The following NRXN1 variants were observed in gnomAD, a reference collection of about 807,000 sequenced individuals.
The protein encoded by NRXN1 is neurexin-1.
Under a neutral mutation model 150.9 loss-of-function variants are expected in NRXN1, and 39 were observed. That is an observed-to-expected ratio of 0.26 (90% CI 0.20 to 0.34). The LOEUF is 0.34. Ranked by LOEUF, NRXN1 falls within the 10% of genes least tolerant of loss-of-function variation. The pLI is 1.00. For missense variants in NRXN1, 1,815 were observed against 1,949.9 expected (o/e 0.93, Z 1.30); for synonymous variants, 924 against 757.0 (o/e 1.22, Z -3.62).
intron 17 of NRXN1, among the ~76,000 whole-genome samples, chr2:50,442,788 G>A (rs944203913): frequency 3.9e-5 from 6 of 152,156 alleles, no homozygotes; most frequent in African/African-American, 1.4e-4. Context: ...TTAGGAGACA[G>A]GTAGAGCAGC....
chr2:51,029,815 T>C (rs1671190231), intron 1 of NRXN1, among the ~76,000 whole-genome samples: 1 of 152,244 alleles, frequency 6.6e-6, no homozygotes, highest in African/African-American at 2.4e-5. Context: ...ATTTATGTTT[T>C]TGGCATTGTC....
intron 8 of NRXN1, among the ~76,000 whole-genome samples, chr2:50,601,079 AAAT>A (rs1338055362): frequency 3.9e-5 from 6 of 152,268 alleles, no homozygotes; most frequent in Admixed American, 3.3e-4. Flanking sequence ...GGCAAAAAAA[AAAT>A]AATAATAATT....
At chr2:50,012,710 C>G (rs1685913701) in intron 21 of NRXN1, among the ~76,000 whole-genome samples, 2 of 152,014 alleles carry the variant, frequency 1.3e-5, no homozygotes, top group African/African-American at 2.4e-5. Flanking sequence ...TACAAGGCAC[C>G]AAGTTCTGTA....
intron 5 of NRXN1, among the ~76,000 whole-genome samples, chr2:50,781,698 T>C (rs751099357): frequency 3.9e-5 from 6 of 152,378 alleles, no homozygotes; most frequent in Admixed American, 6.5e-5. Context: ...CTCTACAGAA[T>C]CTTTAAATAT....
intron 5 of NRXN1, among the ~76,000 whole-genome samples, chr2:50,766,674 C>T (rs954659096): frequency 8.6e-5 from 13 of 151,944 alleles, no homozygotes; most frequent in African/African-American, 3.1e-4. Context: ...CTACCACAGC[C>T]GTGCAAATTT....
chr2:50,851,389 G>A (rs1217927487), intron 5 of NRXN1, among the ~76,000 whole-genome samples: 1 of 152,242 alleles, frequency 6.6e-6, no homozygotes, highest in South Asian at 2.1e-4. Flanking sequence ...AAATATATAA[G>A]TGTTTTAAGG....
At chr2:50,031,490 T>C (rs1050269620) in intron 21 of NRXN1, among the ~76,000 whole-genome samples, 9 of 151,614 alleles carry the variant, frequency 5.9e-5, no homozygotes, top group Admixed American at 5.3e-4. Context: ...TCTTAGCCAA[T>C]GAGTTACTTT....
At chr2:50,134,798 G>A (rs1433593850) in intron 18 of NRXN1, among the ~76,000 whole-genome samples, 1 of 152,060 alleles carries the variant, frequency 6.6e-6, no homozygotes, top group African/African-American at 2.4e-5. Flanking sequence ...TGTACATTTT[G>A]TGATACCATC....
intron 2 of NRXN1, among the ~76,000 whole-genome samples, chr2:50,951,892 T>A (rs908550288): frequency 2.0e-5 from 3 of 148,866 alleles, no homozygotes. Flanking sequence ...CTCATATAAC[T>A]GGATTATCTA....
chr2:49,922,071 T>C lies in NRXN1; in HGVS notation c.4397A>G (p.Asp1466Gly), dbSNP rs1228076031. The change falls in exon 23 of 23, where the codon GAC (aspartate) becomes GGC (glycine). Residue 1466 changes from aspartate (D) to glycine (G), a missense_variant. Coordinates refer to ENST00000401669, the MANE Select transcript of NRXN1 (RefSeq NM_001330078.2). Reference protein sequence around the residue: ...RNRDEGSYHVDESRNYISNSA... With the variant: ...RNRDEGSYHVGESRNYISNSA... ...GTTACTGATGTAGTTTCGACTCTCGTCCACATGGTATGAGCCTTCATCCCG... is the reference window on the plus strand; with the variant it reads ...GTTACTGATGTAGTTTCGACTCTCGCCCACATGGTATGAGCCTTCATCCCG... 6.2e-7 allele frequency: 1 copy of C among 1,614,012 alleles called. No individual in the cohort carries two copies. The highest frequency in any genetic ancestry group is 8.5e-7 in the Non-Finnish European group (1 of 1,180,016).
intron 19 of NRXN1, among the ~76,000 whole-genome samples, chr2:50,070,322 A>G (rs1164313925): frequency 6.6e-6 from 1 of 152,202 alleles, no homozygotes; most frequent in Non-Finnish European, 1.5e-5. Flanking sequence ...GCTCTTTGCA[A>G]GCCCTTTTTG....
At chr2:50,979,988 C>T (rs944970816) in intron 2 of NRXN1, among the ~76,000 whole-genome samples, 1 of 152,056 alleles carries the variant, frequency 6.6e-6, no homozygotes, top group Non-Finnish European at 1.5e-5. Flanking sequence ...ATTGCTACAA[C>T]TAACAGGAAA....
chr2:50,262,722 T>C (rs1443812319), intron 17 of NRXN1, among the ~76,000 whole-genome samples: 1 of 152,012 alleles, frequency 6.6e-6, no homozygotes, highest in Non-Finnish European at 1.5e-5. Flanking sequence ...AGTCAAAGCA[T>C]ATTCTCTACA....
chr2:50,158,952 T>C (rs2059196793), intron 18 of NRXN1, among the ~76,000 whole-genome samples: 1 of 152,006 alleles, frequency 6.6e-6, no homozygotes, highest in African/African-American at 2.4e-5. Flanking sequence ...CATCCAAGGA[T>C]CACCTACCAT....
chr2:50,720,395 T>C (rs1696488024), intron 5 of NRXN1, among the ~76,000 whole-genome samples: 1 of 152,100 alleles, frequency 6.6e-6, no homozygotes, highest in Admixed American at 6.6e-5. Flanking sequence ...CCAGTTAATT[T>C]GAACTCTTTC....
rs200227589 is a variant in NRXN1 at position 50,328,029 on chromosome 2, A to AT, written c.3365-91060dup. ...TGTGTATTCTGATTTTCCTCGTAGG[A>AT]TTTTTTGCTTGTTGAAATGAAGCAG... On this transcript the variant is annotated intron_variant, in intron 17 of 22. Transcript: ENST00000401669. Among the ~76,000 whole-genome samples, 1,193 of 151,742 alleles carry AT rather than the reference A, an allele frequency of 7.9e-3. 15 individuals carry two copies. Among genetic ancestry groups the AT allele is most frequent in the African/African-American group, 0.028 (1,142 of 41,364 alleles).
At chr2:50,329,941 G>A (rs757145513) in intron 17 of NRXN1, among the ~76,000 whole-genome samples, 54 of 151,318 alleles carry the variant, frequency 3.6e-4, no homozygotes, top group Non-Finnish European at 6.9e-4. Flanking sequence ...AAAAGTGCTG[G>A]GATTACAGGC....
At chr2:50,035,998 C>T (rs866948426) in intron 21 of NRXN1, among the ~76,000 whole-genome samples, 1 of 152,116 alleles carries the variant, frequency 6.6e-6, no homozygotes, top group Admixed American at 6.6e-5. Flanking sequence ...CATGTACCCA[C>T]AAGGAATGAA....
chr2:50,471,446 T>C (rs2089455487), intron 16 of NRXN1, among the ~76,000 whole-genome samples: 2 of 151,938 alleles, frequency 1.3e-5, no homozygotes, highest in African/African-American at 4.8e-5. Flanking sequence ...TTGTTCTTTC[T>C]ATGGCTAAGT....
Sources: gnomAD v4.1 joint callset for allele counts (sites outside exome capture counted in the v4.1 genomes callset) on GRCh38, gnomAD v4.1.1 for gene constraint, MANE v1.5 for transcripts, NCBI Gene and HGNC (gene_info 2026-07-23, HGNC 2026-07-21) for gene names.